Variants in ECSCR observed in about 807,000 individuals in gnomAD.
The protein encoded by ECSCR is endothelial cell-specific chemotaxis regulator.
A neutral mutation model predicts 16.7 loss-of-function variants in ECSCR; 12 were observed. That is an observed-to-expected ratio of 0.72 (90% CI 0.46 to 1.17). The LOEUF (loss-of-function observed/expected upper bound fraction) is 1.17. Among genes scored for constraint, ECSCR ranks in the 50% most tolerant of loss-of-function variants. ECSCR has a pLI of 0.00. For synonymous variants in ECSCR, 44 were observed against 42.2 expected, an observed-to-expected ratio of 1.04 and a Z score of -0.17; for missense variants, 122 against 116.1, an observed-to-expected ratio of 1.05 and a Z score of -0.23.
chr5:139,457,987 A>G lies in ECSCR; in HGVS notation c.106+152T>C, dbSNP rs984627914. On this transcript the variant is annotated intron_variant, in intron 2 of 9. Transcript: ENST00000618155. Reference sequence around the variant, plus strand: ...TCAGCTAGGCTGAAAAAAAATCCTTAGATGAGCTCAGCCTTGGTGAGTCCT... The same window carrying G: ...TCAGCTAGGCTGAAAAAAAATCCTTGGATGAGCTCAGCCTTGGTGAGTCCT... The G allele has an allele frequency of 1.5e-5, 9 of 606,626 alleles. No homozygotes were observed. The African/African-American group carries it at 1.8e-4, about 12-fold the overall frequency. 37.6% of individuals were successfully genotyped at this position (606,626 alleles called of 1,614,324 possible).
At position 139,462,569 on chromosome 5, in the gene ECSCR, C is replaced by A. The variant is rs1254409576; in HGVS notation, c.61+41G>T. 4.5e-6 allele frequency: 7 copies of A among 1,565,260 alleles called. No homozygotes were observed. The Middle Eastern group carries it at 8.3e-4, about 186-fold the overall frequency. On this transcript the variant is annotated intron_variant, in intron 1 of 9. Coordinates refer to ENST00000618155, the MANE Select transcript of ECSCR (RefSeq NM_001077693.4). ...GACCGATGCCTAGAATGGCCAGCTG[C>A]GGAGAGGAATTGCCATGGGAAAGCG...
rs536641558 is a variant in ECSCR, at chr5:139,458,341, T to A, written c.62-158A>T. ...TTTTGTTTTGTTTTTTTTTTTTTTT[T>A]AAATTCTCCAGGCACAGTAGTGCAC... is the stretch of plus-strand genomic sequence containing the variant. On this transcript the variant is annotated intron_variant, in intron 1 of 9. Transcript: ENST00000618155. 7.2e-4 allele frequency: 151 copies of A among 210,002 alleles called. 1 individual carries two copies. Among genetic ancestry groups the A allele is most frequent in the South Asian group, 2.3e-3 (14 of 5,996 alleles). 13.0% of individuals were successfully genotyped at this position (210,002 alleles called of 1,614,324 possible). A position where few individuals can be genotyped will look rare whatever the true frequency, so the allele number is the denominator to read the frequency against.
At chr5:139,455,014 G>T in intron 6 of ECSCR, 91 bp from the exon 7 acceptor site, 1 of 398,282 alleles carries the variant, frequency 2.5e-6, no homozygotes. Flanking sequence ...GATAAGTACT[G>T]TGTAGACAGG....
At chr5:139,450,293 A>G (rs1241685371) in intron 8 of ECSCR, among the ~76,000 whole-genome samples, 1 of 152,038 alleles carries the variant, frequency 6.6e-6, no homozygotes, top group African/African-American at 2.4e-5. Flanking sequence ...ACTTGAGACC[A>G]GGAGTTTGAG....
intron 4 of ECSCR, 132 bp from the exon 5 acceptor site, chr5:139,456,650 T>C (rs1048571716): frequency 1.0e-5 from 4 of 393,182 alleles, no homozygotes; most frequent in African/African-American, 8.2e-5. Flanking sequence ...GCCTTCCTTT[T>C]CCTTCATTTT....
intron 2 of ECSCR, 99 bp downstream of exon 2, chr5:139,458,040 A>G: frequency 7.3e-7 from 1 of 1,361,612 alleles, no homozygotes; most frequent in Non-Finnish European, 1.0e-6. Context: ...CTGCGGCCCC[A>G]GCCCCCTGAG....
At chr5:139,449,300 T>C (rs1750976792) in intron 8 of ECSCR, 126 bp from the exon 9 acceptor site, 3 of 681,046 alleles carry the variant, frequency 4.4e-6, no homozygotes, top group Middle Eastern at 3.4e-4. Context: ...TGGTGGATCA[T>C]GATGAAATGC....
intron 8 of ECSCR, among the ~76,000 whole-genome samples, chr5:139,450,135 C>CA (rs1470206391): frequency 1.3e-5 from 2 of 152,004 alleles, no homozygotes; most frequent in South Asian, 2.1e-4. Flanking sequence ...CCTCGTGATC[C>CA]ACCCACCTTG....
intron 1 of ECSCR, among the ~76,000 whole-genome samples, chr5:139,460,748 T>G (rs1751282295): frequency 6.6e-6 from 1 of 152,118 alleles, no homozygotes; most frequent in Non-Finnish European, 1.5e-5. Flanking sequence ...GCCACAGGAA[T>G]TTTTGATTTC....
intron 4 of ECSCR, 137 bp from the exon 5 acceptor site, chr5:139,456,655 C>T (rs1001825445): frequency 4.5e-4 from 178 of 392,678 alleles, no homozygotes; most frequent in Non-Finnish European, 7.4e-4. Context: ...CCTTTTCCTT[C>T]ATTTTGGGGT....
intron 4 of ECSCR, among the ~76,000 whole-genome samples, chr5:139,456,739 G>C (rs1295709402): frequency 6.6e-6 from 1 of 152,148 alleles, no homozygotes; most frequent in Non-Finnish European, 1.5e-5. Flanking sequence ...CCTTCGTTGT[G>C]ACCAGGCCCA....
intron 8 of ECSCR, among the ~76,000 whole-genome samples, chr5:139,449,471 G>T (rs939742200): frequency 6.6e-6 from 1 of 152,104 alleles, no homozygotes; most frequent in Non-Finnish European, 1.5e-5. Context: ...CTGAGTAGCT[G>T]GGATTACAAG....
Position 139,450,464 on chromosome 5 carries a change from G to A in ECSCR, c.513-1290C>T, listed in dbSNP as rs560417559. 1.6e-3 allele frequency among the ~76,000 whole-genome samples: 231 copies of A among 140,448 alleles called. 3 individuals are homozygous for A. Among genetic ancestry groups the A allele is most frequent in the African/African-American group, 5.8e-3 (221 of 37,932 alleles). 92.1% of individuals were successfully genotyped at this position (140,448 alleles called of 152,430 possible). On this transcript the variant is annotated intron_variant, in intron 8 of 9. Coordinates refer to ENST00000618155, the MANE Select transcript of ECSCR (RefSeq NM_001077693.4). ...ACTGCACTCCAGCCTGGGCAACAGA[G>A]CAAGCCTGTCCCTTAAAAAAAAAAA... is the stretch of plus-strand genomic sequence containing the variant.
At chr5:139,459,404 G>C (rs1751243298) in intron 1 of ECSCR, among the ~76,000 whole-genome samples, 3 of 152,148 alleles carry the variant, frequency 2.0e-5, no homozygotes, top group Admixed American at 1.3e-4. Flanking sequence ...ATAGGAAATG[G>C]TTGTTATTGA....
At chr5:139,449,271 CA>C in intron 8 of ECSCR, 97 bp from the exon 9 acceptor site, 3 of 864,402 alleles carry the variant, frequency 3.5e-6, no homozygotes, top group Non-Finnish European at 5.4e-6. Flanking sequence ...ACCTTTGTCT[CA>C]AAAAATCTAT....
rs1418234697 is a variant in ECSCR, at chr5:139,448,922, G to C, written c.610-14C>G. 6.5e-7 allele frequency: 1 copy of C among 1,537,084 alleles called. No individual in the cohort carries two copies. The highest frequency in any genetic ancestry group is 1.2e-5 in the South Asian group (1 of 84,062). On this transcript the variant is annotated splice_polypyrimidine_tract_variant and intron_variant, in intron 9 of 9. Transcript: ENST00000618155. The stretch of plus-strand genomic sequence containing the variant: ...CTTTTAAAGAACCTGCAAAATAAAT[G>C]CATAATGGGGAAGGGTGAACTTTTT...
At position 139,457,578 on chromosome 5, in the gene ECSCR, T is replaced by C. The variant is rs1751186487; in HGVS notation, c.184A>G (p.Arg62Gly). ...CCAGTGCTGGACAGATGGCTTGGCC[T>C]GTTAGCCTCTGAGGAAGGGATGTAT... ...PGYIPSSEANRPSHLSSTGTP... is the reference protein window; with the variant it reads ...PGYIPSSEANGPSHLSSTGTP... Residue 62 changes from arginine (R) to glycine (G), a missense_variant, in exon 4 of 10, where the codon AGG (arginine) becomes GGG (glycine). Coordinates refer to ENST00000618155, the MANE Select transcript of ECSCR (RefSeq NM_001077693.4). The C allele has an allele frequency of 1.2e-6, 1 of 811,592 alleles. No individual in the cohort carries two copies. Among genetic ancestry groups the C allele is most frequent in the South Asian group, 1.3e-5 (1 of 75,174 alleles). 50.3% of individuals were successfully genotyped at this position (811,592 alleles called of 1,614,324 possible). A position where few individuals can be genotyped will look rare whatever the true frequency, so the allele number is the denominator to read the frequency against.
chr5:139,461,080 T>C (rs1751291066), intron 1 of ECSCR, among the ~76,000 whole-genome samples: 1 of 152,160 alleles, frequency 6.6e-6, no homozygotes. Context: ...GAGGATTGCT[T>C]GAGCCCAGGA....
At chr5:139,456,927 C>G (rs2152089403) in intron 4 of ECSCR, among the ~76,000 whole-genome samples, 1 of 152,348 alleles carries the variant, frequency 6.6e-6, no homozygotes, top group East Asian at 1.9e-4. Context: ...ATGTGTACAT[C>G]TGTGGCTTGG....
Sources: gnomAD v4.1 joint callset for allele counts (sites outside exome capture counted in the v4.1 genomes callset) on GRCh38, gnomAD v4.1.1 for gene constraint, MANE v1.5 for transcripts, NCBI Gene and HGNC (gene_info 2026-07-23, HGNC 2026-07-21) for gene names.